The following SPRY3 variants were observed in gnomAD, a reference collection of about 807,000 sequenced individuals.
SPRY3 encodes the protein sprouty RTK signaling antagonist 3.
A neutral mutation model predicts 20.2 loss-of-function variants in SPRY3; 15 were observed. The ratio of observed to expected loss-of-function variants is 0.74; its 90% CI spans 0.50 to 1.14. The LOEUF is 1.14. Among genes scored for constraint, SPRY3 ranks in the 50% most tolerant of loss-of-function variants. The pLI, the probability that SPRY3 is intolerant of heterozygous loss-of-function variation, is 0.00. For missense variants in SPRY3, 364 were observed against 363.9 expected, an observed-to-expected ratio of 1.00 and a Z score of 0.00; for synonymous variants, 143 against 136.5, an observed-to-expected ratio of 1.05 and a Z score of -0.33.
chrX:155,734,341 G>A (rs1404138323), intron 2 of SPRY3, among the ~76,000 whole-genome samples: 1 of 151,936 alleles, frequency 6.6e-6, no homozygotes, highest in East Asian at 1.9e-4. Context: ...AGAGATGAGG[G>A]ATGGCCAGTC....
chrX:155,662,928 G>A (rs937915066), intron 2 of SPRY3, among the ~76,000 whole-genome samples: 1 of 111,622 alleles, frequency 9.0e-6, no homozygotes, highest in Non-Finnish European at 1.9e-5. Flanking sequence ...GGCCATTTCA[G>A]CTGGCCACTA....
intron 2 of SPRY3, among the ~76,000 whole-genome samples, chrX:155,718,306 C>A (rs2091035112): frequency 6.6e-6 from 1 of 151,758 alleles, no homozygotes. Context: ...AAAATCTTGA[C>A]AAAAAAAGAT....
chrX:155,688,288 A>G (rs761970239), intron 2 of SPRY3, among the ~76,000 whole-genome samples: 161 of 110,417 alleles, frequency 1.5e-3, no homozygotes, highest in Non-Finnish European at 2.5e-3. Flanking sequence ...TCCCTCATTG[A>G]TGGGCATTTA....
exon 4 of SPRY3, chrX:155,776,436 G>C (rs1405255223): frequency 6.0e-6 from 1 of 167,038 alleles, no homozygotes; most frequent in Admixed American, 6.5e-5. Flanking sequence ...GTATAATGTA[G>C]AGAACTGACT....
At chrX:155,731,944 T>A (rs2091135541) in intron 2 of SPRY3, among the ~76,000 whole-genome samples, 1 of 152,010 alleles carries the variant, frequency 6.6e-6, no homozygotes, top group African/African-American at 2.4e-5. Context: ...TACATTGACT[T>A]TGGAAACAAA....
intron 1 of SPRY3, among the ~76,000 whole-genome samples, chrX:155,642,957 T>C (rs2067946663): frequency 8.9e-6 from 1 of 111,913 alleles, no homozygotes; most frequent in South Asian, 3.7e-4. Context: ...CTGCAGCTAT[T>C]GGATGAAATG....
chrX:155,765,872 C>A (rs2091324880), intron 2 of SPRY3, among the ~76,000 whole-genome samples: 1 of 152,174 alleles, frequency 6.6e-6, no homozygotes, highest in Non-Finnish European at 1.5e-5. Context: ...GGGGTGCTTG[C>A]TATATGCCAG....
intron 2 of SPRY3, among the ~76,000 whole-genome samples, chrX:155,700,528 C>G (rs1053835070): frequency 9.6e-6 from 1 of 103,867 alleles, no homozygotes; most frequent in Non-Finnish European, 1.9e-5. Context: ...GGAAATAATC[C>G]AAGAGTCTAT....
At chrX:155,732,059 C>A (rs2091136372) in intron 2 of SPRY3, among the ~76,000 whole-genome samples, 1 of 151,966 alleles carries the variant, frequency 6.6e-6, no homozygotes, top group Non-Finnish European at 1.5e-5. Flanking sequence ...GAAAACGTAG[C>A]CTTCCTAGAT....
intron 2 of SPRY3, among the ~76,000 whole-genome samples, chrX:155,721,668 GA>G (rs917644287): frequency 3.0e-4 from 43 of 144,002 alleles, no homozygotes; most frequent in African/African-American, 4.8e-4. Flanking sequence ...AGAGCTGAAG[GA>G]AAAAAAAAAA....
chrX:155,662,245 T>C (rs1436925126), intron 2 of SPRY3, among the ~76,000 whole-genome samples: 1 of 111,015 alleles, frequency 9.0e-6, no homozygotes, highest in Non-Finnish European at 1.9e-5. Flanking sequence ...GTGACTGTAG[T>C]GTATGTTCAG....
intron 2 of SPRY3, among the ~76,000 whole-genome samples, chrX:155,717,391 C>T (rs182944713): frequency 1.3e-5 from 2 of 152,142 alleles, no homozygotes; most frequent in East Asian, 1.9e-4. Context: ...CTCTTGTTTA[C>T]TACCTTTTTA....
chrX:155,774,364 C>T lies in SPRY3; in HGVS notation c.493C>T (p.Pro165Ser), dbSNP rs778730642. ...CCCCTGCACAGCAGCTCGCCCTCTC[C>T]CCTCCTGCTGGCTGTGCAACCAGCG... Residue 165 changes from proline (P) to serine (S), a missense_variant, in exon 4 of 4, where the codon CCC (proline) becomes TCC (serine). By Grantham distance (74) the Pro-to-Ser change is moderately conservative. Coordinates refer to ENST00000675360, the Ensembl canonical transcript of SPRY3. 2.5e-6 allele frequency: 4 copies of T among 1,614,020 alleles called. No individual in the cohort carries two copies. In the South Asian group the frequency reaches 3.3e-5, roughly 13 times the overall value.
At chrX:155,683,267 C>T in intron 2 of SPRY3, among the ~76,000 whole-genome samples, 1 of 111,699 alleles carries the variant, frequency 9.0e-6, no homozygotes, top group Non-Finnish European at 1.9e-5. Flanking sequence ...TTGCATGCTA[C>T]AGAGAAATAT....
At chrX:155,767,722 G>GAGGAGGAGGAGGAGAGAC in intron 2 of SPRY3, 2 of 79,874 alleles carry the variant, frequency 2.5e-5, no homozygotes, top group Non-Finnish European at 4.8e-5. Context: ...GGAGGAGAAA[G>GAGGAGGAGGAGGAGAGAC]AGGAGGAGGA....
intron 2 of SPRY3, among the ~76,000 whole-genome samples, chrX:155,703,943 CCATAGCAG>C (rs2090929525): frequency 6.6e-6 from 1 of 151,792 alleles, no homozygotes. Flanking sequence ...CTGATGGTAA[CCATAGCAG>C]CAATATATCT....
chrX:155,745,216 G>C (rs2091220353), intron 2 of SPRY3, among the ~76,000 whole-genome samples: 1 of 152,038 alleles, frequency 6.6e-6, no homozygotes, highest in Admixed American at 6.6e-5. Flanking sequence ...AACTAGAGGG[G>C]GTCAGCTAGT....
At chrX:155,705,798 C>T (rs2090946656) in intron 2 of SPRY3, among the ~76,000 whole-genome samples, 1 of 151,272 alleles carries the variant, frequency 6.6e-6, no homozygotes, top group Non-Finnish European at 1.5e-5. Context: ...AAGGGATCAA[C>T]TCTCCAAAAG....
At chrX:155,700,611 A>C (rs1397040698) in intron 2 of SPRY3, among the ~76,000 whole-genome samples, 1 of 84,728 alleles carries the variant, frequency 1.2e-5, no homozygotes, top group Non-Finnish European at 2.2e-5. Flanking sequence ...AAAAGGAATG[A>C]AGTTCTTTTT....
Sources: gnomAD v4.1 joint callset for allele counts (sites outside exome capture counted in the v4.1 genomes callset) on GRCh38, gnomAD v4.1.1 for gene constraint, MANE v1.5 for transcripts, NCBI Gene and HGNC (gene_info 2026-07-23, HGNC 2026-07-21) for gene names.